The following ITIH4 variants were observed in gnomAD, a reference collection of about 807,000 sequenced individuals.
The protein encoded by ITIH4 is inter-alpha-trypsin inhibitor heavy chain 4.
A neutral mutation model predicts 111.8 loss-of-function variants in ITIH4; 79 were observed. The ratio of observed to expected loss-of-function variants is 0.71; its 90% CI spans 0.59 to 0.85. ITIH4 has a LOEUF of 0.85. Among genes scored for constraint, ITIH4 ranks in the 40% least tolerant of loss-of-function variants. The probability of loss-of-function intolerance (pLI) is 0.00; values close to 1 mark genes in which losing one functional copy is unlikely to be tolerated. For synonymous variants in ITIH4, 472 were observed against 468.3 expected, an observed-to-expected ratio of 1.01 and a Z score of -0.10; for missense variants, 1,065 against 1,195.8, an observed-to-expected ratio of 0.89 and a Z score of 1.61.
rs1197739009 is a variant in ITIH4 at position 52,820,302 on chromosome 3, T to C, written c.1850A>G (p.Asn617Ser). The change falls in exon 14 of 24, where the codon AAT becomes AGT. Residue 617 changes from asparagine to serine, a missense_variant. Coordinates refer to ENST00000266041, the MANE Select transcript of ITIH4 (RefSeq NM_002218.5). ...TGTTCGCTGCTTACCTGAGTGGACA[T>C]TCCTGTTTCTACTTTCTGGATAAAA... ...KPMEGESRNR[N>S]VHSGSTFFKY... 9.3e-6 allele frequency: 15 copies of C among 1,613,900 alleles called. No homozygotes were observed. Among genetic ancestry groups the C allele is most frequent in the Non-Finnish European group, 1.3e-5 (15 of 1,180,002 alleles).
chr3:52,824,791 C>T lies in ITIH4; in HGVS notation c.876+51G>A, dbSNP rs554619464. 33 of 1,437,606 alleles carry T rather than the reference C, an allele frequency of 2.3e-5. No homozygotes were observed. In the East Asian group the frequency reaches 3.7e-4, roughly 16 times the overall value. The allele number at this position is 1,437,606 out of a possible 1,614,324, so 89.1% of individuals were successfully genotyped here. ...CTGCCTGCCGGACCACAGCTGATAG[C>T]GTGAAGGGCCTGGGAGTTTTCAGGG... On this transcript the variant is annotated intron_variant, in intron 7 of 23. Coordinates refer to ENST00000266041, the MANE Select transcript of ITIH4 (RefSeq NM_002218.5). The surrounding 1 kb of genome is among the most constrained non-coding windows in gnomAD (Gnocchi z 4.3).
At chr3:52,813,904 A>T in intron 23 of ITIH4, 71 bp downstream of exon 23, 1 of 1,209,980 alleles carries the variant, frequency 8.3e-7, no homozygotes, top group Non-Finnish European at 1.2e-6. Context: ...GGCCCTGGAG[A>T]GCCTGGCTCC....
rs779747896 is a variant in ITIH4 at position 52,823,925 on chromosome 3, G to A, written c.1251C>T (p.Phe417=). The change falls in exon 10 of 24, where the codon TTC becomes TTT. Residue 417 remains phenylalanine (F), a synonymous_variant. Coordinates refer to ENST00000266041, the MANE Select transcript of ITIH4 (RefSeq NM_002218.5). ...SGRYSLFCLG[F]GFDVSYAFLE... ...GGAAGGCATAGCTGACGTCGAAACC[G>A]AAGCCCAGGCAGAAGAGGCTGTACC... The A allele has an allele frequency of 1.1e-5, 17 of 1,609,588 alleles. No individual in the cohort carries two copies. The highest frequency in any genetic ancestry group is 3.4e-5 in the Admixed American group (2 of 59,434).
At chr3:52,830,482 G>A (rs1289351363) in intron 1 of ITIH4, 71 bp downstream of exon 1, 28 of 1,413,884 alleles carry the variant, frequency 2.0e-5, no homozygotes, top group Admixed American at 5.0e-5. Flanking sequence ...TGGCACATGC[G>A]GAGGCTCTTC....
chr3:52,827,876 A>G (rs1401390534), intron 2 of ITIH4, among the ~76,000 whole-genome samples: 1 of 152,210 alleles, frequency 6.6e-6, no homozygotes, highest in Admixed American at 6.5e-5. Flanking sequence ...AGGGAGGAAA[A>G]CGACTTTTTC....
chr3:52,815,389 G>GCC (rs1559477573), intron 21 of ITIH4, among the ~76,000 whole-genome samples: 2 of 151,506 alleles, frequency 1.3e-5, no homozygotes, highest in Non-Finnish European at 2.9e-5. Context: ...GATTACAGGC[G>GCC]TGCCACCACA....
intron 21 of ITIH4, 86 bp downstream of exon 21, chr3:52,816,798 T>A: frequency 1.5e-6 from 2 of 1,333,354 alleles, no homozygotes; most frequent in Non-Finnish European, 1.1e-6. Flanking sequence ...CTCAGGTCCA[T>A]GGCCTCAGGC....
chr3:52,814,445 G>A (rs1185121726), intron 21 of ITIH4, 82 bp from the exon 22 acceptor site: 1 of 1,252,626 alleles, frequency 8.0e-7, no homozygotes, highest in Non-Finnish European at 1.1e-6. Context: ...GAGTGGGCTG[G>A]GCTTCCCCTC....
rs779463897 is a variant in ITIH4, at chr3:52,830,567, T to C, written c.76A>G (p.Thr26Ala). Residue 26 changes from threonine to alanine, a missense_variant, in exon 1 of 24, where the codon ACT (threonine) becomes GCT (alanine). Physicochemically the swap from Thr to Ala is moderately conservative, Grantham distance 58. Transcript: ENST00000266041. ...ACACTGGCTACCTTTTCGGCAGTAG[T>C]AGTCTGGTGGATGGCCAGCAGTGAA... Reference protein sequence around the residue: ...LLSLLAIHQTTTAEKNGIDIY... With the variant: ...LLSLLAIHQTATAEKNGIDIY... 10 of 1,613,984 alleles carry C rather than the reference T, an allele frequency of 6.2e-6. No individual in the cohort carries two copies. Among genetic ancestry groups the C allele is most frequent in the Non-Finnish European group, 5.1e-6 (6 of 1,179,966 alleles).
chr3:52,827,410 G>A (rs990102763), intron 2 of ITIH4, among the ~76,000 whole-genome samples: 7 of 152,354 alleles, frequency 4.6e-5, no homozygotes, highest in African/African-American at 1.7e-4. Context: ...AGCTCCCGGA[G>A]GTGTGTACAG....
In ITIH4 at chr3:52,813,925, G is replaced by T. The variant is rs1262751464; in HGVS notation, c.2723+50C>A. ...GGAGAGCCTGGCTCCTGGCCTGCCAGTCCCCACCCCACCCCAGCTGGGCTC... is the reference window on the plus strand; with the variant it reads ...GGAGAGCCTGGCTCCTGGCCTGCCATTCCCCACCCCACCCCAGCTGGGCTC... On this transcript the variant is annotated intron_variant, in intron 23 of 23. Coordinates refer to ENST00000266041, the MANE Select transcript of ITIH4 (RefSeq NM_002218.5). 4.7e-6 allele frequency: 7 copies of T among 1,484,300 alleles called. No individual in the cohort carries two copies. The South Asian group carries it at 8.2e-5, about 17-fold the overall frequency. The allele number at this position is 1,484,300 out of a possible 1,614,324, so 91.9% of individuals were successfully genotyped here. A position where few individuals can be genotyped will look rare whatever the true frequency, so the allele number is the denominator to read the frequency against.
In ITIH4 at chr3:52,823,630, A is replaced by G; in HGVS notation, c.1465T>C (p.Ser489Pro). The G allele has an allele frequency of 6.2e-7, 1 of 1,614,122 alleles. No homozygotes were observed. Among genetic ancestry groups the G allele is most frequent in the Non-Finnish European group, 8.5e-7 (1 of 1,180,006 alleles). ...AGCTTCCCAGCCACCACCATCTCTGAGCCCTTGAAGAGGAGCCGGAAGTTG... is the reference window on the plus strand; with the variant it reads ...AGCTTCCCAGCCACCACCATCTCTGGGCCCTTGAAGAGGAGCCGGAAGTTG... ...QNNFRLLFKG[S>P]EMVVAGKLQD... The change falls in exon 11 of 24, where the codon TCA (serine) becomes CCA (proline). Residue 489 changes from serine (S) to proline (P), a missense_variant. By Grantham distance (74) the Ser-to-Pro change is moderately conservative (BLOSUM62 -1). Transcript: ENST00000266041.
Position 52,825,913 on chromosome 3 carries a change from G to GTCCACA in ITIH4, c.726_731dup (p.Val243_Asp244dup). The GTCCACA allele has an allele frequency of 6.2e-7, 1 of 1,614,060 alleles. No homozygotes were observed. Among genetic ancestry groups the GTCCACA allele is most frequent in the South Asian group, 1.1e-5 (1 of 91,080 alleles). ...GAATGGAGCCCCCGGAGATGGCCCG[G>GTCCACA]TCCACATCATAGCGGATAATGAGGT... On this transcript the variant is annotated inframe_insertion, in exon 6 of 24. Transcript: ENST00000266041.
At chr3:52,830,039 A>C (rs1700543081) in intron 1 of ITIH4, 1 of 297,422 alleles carries the variant, frequency 3.4e-6, no homozygotes, top group South Asian at 3.2e-5. Context: ...GCCTGAATGC[A>C]GTTTGGCACA....
Position 52,826,857 on chromosome 3 carries a change from C to G in ITIH4, c.453G>C (p.Lys151Asn). ...TFELVYEELL[K>N]RRLGVYELLL... is the part of the protein sequence containing the mutation. Reference sequence around the variant, plus strand: ...GCAGCTCGTACACCCCCAAACGCCGCTTGAGCAGCTCCTCATAGACCAGCT... The same window carrying G: ...GCAGCTCGTACACCCCCAAACGCCGGTTGAGCAGCTCCTCATAGACCAGCT... The change falls in exon 4 of 24, where the codon AAG becomes AAC. Residue 151 changes from lysine to asparagine, a missense_variant. Transcript: ENST00000266041. 6.2e-7 allele frequency: 1 copy of G among 1,614,024 alleles called. No individual in the cohort carries two copies. Among genetic ancestry groups the G allele is most frequent in the Non-Finnish European group, 8.5e-7 (1 of 1,180,026 alleles).
intron 11 of ITIH4, 21 bp downstream of exon 11, chr3:52,823,535 G>C: frequency 6.4e-7 from 1 of 1,574,708 alleles, no homozygotes; most frequent in Non-Finnish European, 8.6e-7. Context: ...TCCCCTCCAG[G>C]GTGGCTTTGG....
chr3:52,827,147 G>A lies in ITIH4; in HGVS notation c.302C>T (p.Ala101Val). Residue 101 changes from alanine (A) to valine (V), a missense_variant, in exon 3 of 24, where the codon GCC (alanine) becomes GTC (valine). By Grantham distance (64) the Ala-to-Val change is moderately conservative. Transcript: ENST00000266041. Reference sequence around the variant, plus strand: ...CACTGCTGCGCTGTACTGTGCCTGGGCTTCAGCCTTCTCCTTGATGATCCC... The same window carrying A: ...CACTGCTGCGCTGTACTGTGCCTGGACTTCAGCCTTCTCCTTGATGATCCC... Reference protein sequence around the residue: ...YPGIIKEKAEAQAQYSAAVAK... With the variant: ...YPGIIKEKAEVQAQYSAAVAK... 6.2e-7 allele frequency: 1 copy of A among 1,614,156 alleles called. No individual in the cohort carries two copies. Among genetic ancestry groups the A allele is most frequent in the Non-Finnish European group, 8.5e-7 (1 of 1,180,036 alleles).
In ITIH4 at chr3:52,823,734, T is replaced by A; in HGVS notation, c.1361A>T (p.Tyr454Phe). 6.2e-7 allele frequency: 1 copy of A among 1,614,158 alleles called. No individual in the cohort carries two copies. The highest frequency in any genetic ancestry group is 1.1e-5 in the South Asian group (1 of 91,088). Residue 454 changes from tyrosine (Y) to phenylalanine (F), a missense_variant, in exon 11 of 24, where the codon TAC (tyrosine) becomes TTC (phenylalanine). Physicochemically the swap from Tyr to Phe is conservative, Grantham distance 22 (BLOSUM62 3). Transcript: ENST00000266041. ...SDSALQLQDFYQEVANPLLTA... is the reference protein window; with the variant it reads ...SDSALQLQDFFQEVANPLLTA... Reference sequence around the variant, plus strand: ...CAGCAGTGGGTTGGCCACTTCCTGGTAGAAGTCCTGCAGGGTTGGGGGTGT... The same window carrying A: ...CAGCAGTGGGTTGGCCACTTCCTGGAAGAAGTCCTGCAGGGTTGGGGGTGT...
intron 21 of ITIH4, 73 bp downstream of exon 21, chr3:52,816,807 GCCAC>G: frequency 1.4e-6 from 2 of 1,431,128 alleles, no homozygotes; most frequent in East Asian, 4.6e-5. Flanking sequence ...ATGGCCTCAG[GCCAC>G]CTGCTGGTAC....
Sources: allele counts gnomAD v4.1 joint callset (sites outside exome capture counted in the v4.1 genomes callset), GRCh38; gene constraint gnomAD v4.1.1; non-coding constraint Gnocchi (gnomAD v3.1); transcripts MANE v1.5; gene names NCBI Gene and HGNC (gene_info 2026-07-23, HGNC 2026-07-21).